QTRT2: variants seen among roughly 807,000 people sequenced by gnomAD.
QTRT2 encodes queuine tRNA-ribosyltransferase accessory subunit 2.
In QTRT2, 32 loss-of-function variants were observed where a neutral mutation model predicts 44.8. The observed-to-expected ratio is 0.71, with a 90% CI of 0.54 to 0.96. The LOEUF (loss-of-function observed/expected upper bound fraction) is 0.96, where lower values mean the gene tolerates loss of function less well. Among genes scored for constraint, QTRT2 ranks in the 40% least tolerant of loss-of-function variants. The pLI is 0.00. For synonymous variants in QTRT2, 182 were observed against 187.4 expected, an observed-to-expected ratio of 0.97 and a Z score of 0.24; for missense variants, 461 against 503.1, an observed-to-expected ratio of 0.92 and a Z score of 0.80.
intron 3 of QTRT2, among the ~76,000 whole-genome samples, chr3:114,065,999 G>C (rs1198157984): frequency 6.6e-6 from 1 of 152,218 alleles, no homozygotes; most frequent in Non-Finnish European, 1.5e-5. Flanking sequence ...TTCTGAAGGA[G>C]TTGATCTTTG....
intron 6 of QTRT2, among the ~76,000 whole-genome samples, chr3:114,075,370 T>C (rs2077075385): frequency 6.6e-6 from 1 of 152,232 alleles, no homozygotes; most frequent in Non-Finnish European, 1.5e-5. Context: ...CCTAGATTTC[T>C]ATGAGGTTGT....
In QTRT2 at chr3:114,065,474, A is replaced by G. The variant is rs200562006; in HGVS notation, c.200+17A>G. 231 of 1,588,982 alleles carry G rather than the reference A, an allele frequency of 1.5e-4. No homozygotes were observed. The highest frequency in any genetic ancestry group is 2.0e-4 in the Admixed American group (12 of 59,668). On this transcript the variant is annotated intron_variant, in intron 3 of 9. Coordinates refer to ENST00000281273, the MANE Select transcript of QTRT2 (RefSeq NM_024638.4). Reference sequence around the variant, plus strand: ...GTCATCCCTGTAAGTGTTAGAACCAATGATTCAAGTATCAACTGTGGCAGC... The same window carrying G: ...GTCATCCCTGTAAGTGTTAGAACCAGTGATTCAAGTATCAACTGTGGCAGC...
chr3:114,070,207 C>T (rs2077005916), intron 5 of QTRT2, among the ~76,000 whole-genome samples: 1 of 152,148 alleles, frequency 6.6e-6, no homozygotes, highest in East Asian at 1.9e-4. Context: ...ATGATTATTA[C>T]ACTTGCCCTA....
At chr3:114,060,185 T>C (rs2107782816) in intron 2 of QTRT2, among the ~76,000 whole-genome samples, 1 of 152,162 alleles carries the variant, frequency 6.6e-6, no homozygotes, top group East Asian at 1.9e-4. Context: ...AGTGGATGAT[T>C]AATCACACTT....
intron 3 of QTRT2, among the ~76,000 whole-genome samples, chr3:114,065,781 G>A (rs1419055599): frequency 6.6e-6 from 1 of 151,266 alleles, no homozygotes; most frequent in African/African-American, 2.5e-5. Context: ...TCATGCACCA[G>A]CCTCAAAGTT....
intron 8 of QTRT2, 141 bp downstream of exon 8, chr3:114,080,198 C>G: frequency 9.3e-6 from 6 of 642,628 alleles, no homozygotes; most frequent in Non-Finnish European, 1.6e-5. Context: ...TCTGTGTGCT[C>G]TGGCATGTTG....
intron 6 of QTRT2, among the ~76,000 whole-genome samples, chr3:114,074,471 A>G (rs952871514): frequency 1.3e-5 from 2 of 152,160 alleles, no homozygotes; most frequent in African/African-American, 2.4e-5. Context: ...CTCTTCATCC[A>G]CACTGCCACT....
chr3:114,070,486 C>T (rs2077010230), intron 5 of QTRT2, 140 bp from the exon 6 acceptor site: 5 of 695,020 alleles, frequency 7.2e-6, no homozygotes, highest in Non-Finnish European at 1.2e-5. Context: ...CTATAAGATC[C>T]TATTACCCAC....
At chr3:114,074,482 G>A (rs566970279) in intron 6 of QTRT2, among the ~76,000 whole-genome samples, 2 of 152,298 alleles carry the variant, frequency 1.3e-5, no homozygotes, top group Non-Finnish European at 1.5e-5. Flanking sequence ...CACTGCCACT[G>A]CCTTAGTCCG....
Position 114,080,949 on chromosome 3 carries a change from A to G in QTRT2, c.898+892A>G, listed in dbSNP as rs151316072. On this transcript the variant is annotated intron_variant, in intron 8 of 9. Transcript: ENST00000281273. ...TCAAGTTGATCAAATTCTTAAATATATAGGAGGTCAATTTTACTGTCCTTT... is the reference window on the plus strand; with the variant it reads ...TCAAGTTGATCAAATTCTTAAATATGTAGGAGGTCAATTTTACTGTCCTTT... Among the ~76,000 whole-genome samples the G allele has an allele frequency of 9.8e-4, 149 of 152,350 alleles. 4 individuals carry two copies. The East Asian group carries it at 0.016, about 16-fold the overall frequency.
At chr3:114,070,877 T>C (rs1355335678) in intron 6 of QTRT2, 39 bp downstream of exon 6, 11 of 1,538,520 alleles carry the variant, frequency 7.1e-6, no homozygotes, top group African/African-American at 1.4e-5. Context: ...CTCTTGACAC[T>C]CTTGCCTCCC....
chr3:114,086,047 A>G lies in QTRT2; in HGVS notation c.*143A>G. 1 of 678,208 alleles carries G rather than the reference A, an allele frequency of 1.5e-6. No homozygotes were observed. The highest frequency in any genetic ancestry group is 2.5e-6 in the Non-Finnish European group (1 of 399,860). 42.0% of individuals were successfully genotyped at this position (678,208 alleles called of 1,614,324 possible). Reference sequence around the variant, plus strand: ...GCTTAAATAAAGAATCTTTGTACCAAACTGCCCACATGAGGGTGAAGAGAT... The same window carrying G: ...GCTTAAATAAAGAATCTTTGTACCAGACTGCCCACATGAGGGTGAAGAGAT... On this transcript the variant is annotated 3_prime_UTR_variant, in exon 10 of 10. Coordinates refer to ENST00000281273, the MANE Select transcript of QTRT2 (RefSeq NM_024638.4).
intron 6 of QTRT2, among the ~76,000 whole-genome samples, chr3:114,072,770 G>T (rs955510064): frequency 6.6e-6 from 1 of 152,150 alleles, no homozygotes; most frequent in Non-Finnish European, 1.5e-5. Context: ...CTGACATATT[G>T]TAAGCCCTCA....
intron 7 of QTRT2, chr3:114,078,954 G>C (rs572078091): frequency 6.6e-6 from 1 of 152,240 alleles, no homozygotes; most frequent in African/African-American, 2.4e-5. Flanking sequence ...TATGGCCAGA[G>C]GTGAAATCCT....
At chr3:114,072,977 G>T (rs1306400566) in intron 6 of QTRT2, among the ~76,000 whole-genome samples, 2 of 152,170 alleles carry the variant, frequency 1.3e-5, no homozygotes, top group African/African-American at 2.4e-5. Flanking sequence ...CCTGAGCGAT[G>T]ATCACATCCC....
intron 9 of QTRT2, among the ~76,000 whole-genome samples, chr3:114,083,286 G>C (rs1433121999): frequency 7.0e-6 from 1 of 143,682 alleles, no homozygotes; most frequent in South Asian, 2.3e-4. Flanking sequence ...TGTTGTTGTT[G>C]CTGTTGTTGT....
chr3:114,065,598 T>C, intron 3 of QTRT2, 141 bp downstream of exon 3: 1 of 682,740 alleles, frequency 1.5e-6, no homozygotes, highest in Middle Eastern at 4.1e-4. Context: ...AGGTTTCAAA[T>C]ATTATACATC....
intron 2 of QTRT2, among the ~76,000 whole-genome samples, chr3:114,059,868 C>A (rs148666160): frequency 5.3e-5 from 8 of 152,186 alleles, no homozygotes; most frequent in Non-Finnish European, 1.0e-4. Flanking sequence ...GCACCAAAAT[C>A]GTTCACTGTA....
intron 1 of QTRT2, 54 bp from the exon 2 acceptor site, chr3:114,056,945 G>A: frequency 2.7e-6 from 4 of 1,507,250 alleles, no homozygotes; most frequent in Non-Finnish European, 3.5e-6. Flanking sequence ...TCCTGGTTGT[G>A]TTGCAGTAAC....
Sources: gnomAD v4.1 joint callset for allele counts (sites outside exome capture counted in the v4.1 genomes callset) on GRCh38, gnomAD v4.1.1 for gene constraint, MANE v1.5 for transcripts, NCBI Gene and HGNC (gene_info 2026-07-23, HGNC 2026-07-21) for gene names.